The following TMTC2 variants were observed in gnomAD, a reference collection of about 807,000 sequenced individuals.
The protein encoded by TMTC2 is transmembrane O-mannosyltransferase targeting cadherins 2, also known as protein O-mannosyl-transferase TMTC2.
In TMTC2, 43 loss-of-function variants were observed where a neutral mutation model predicts 82.4. That is an observed-to-expected ratio of 0.52 (90% CI 0.41 to 0.67). TMTC2 has a LOEUF of 0.67. Among genes scored for constraint, TMTC2 ranks in the 30% least tolerant of loss-of-function variants. The pLI is 0.00. For synonymous variants in TMTC2, 408 were observed against 381.9 expected, an observed-to-expected ratio of 1.07 and a Z score of -0.80; for missense variants, 919 against 1,012.4, an observed-to-expected ratio of 0.91 and a Z score of 1.25.
chr12:83,082,163 A>G (rs1402809398), intron 11 of TMTC2, among the ~76,000 whole-genome samples: 1 of 152,236 alleles, frequency 6.6e-6, no homozygotes, highest in Non-Finnish European at 1.5e-5. Flanking sequence ...ATGTAGTAGA[A>G]ACTATAGCTT....
chr12:82,771,147 C>T (rs570677021), intron 1 of TMTC2, among the ~76,000 whole-genome samples: 1 of 148,468 alleles, frequency 6.7e-6, no homozygotes, highest in African/African-American at 2.5e-5. Context: ...GCAGAGATTG[C>T]AGTGAGCCGA....
intron 1 of TMTC2, among the ~76,000 whole-genome samples, chr12:82,785,588 C>A (rs1366009050): frequency 6.6e-6 from 1 of 151,980 alleles, no homozygotes; most frequent in East Asian, 1.9e-4. Flanking sequence ...TGTTGGACTG[C>A]ATAATTTAAG....
At chr12:83,063,658 T>C (rs1341295160) in intron 11 of TMTC2, among the ~76,000 whole-genome samples, 1 of 151,884 alleles carries the variant, frequency 6.6e-6, no homozygotes, top group African/African-American at 2.4e-5. Context: ...GTGGAAAATA[T>C]CTTAGAGAGG....
At chr12:82,748,603 C>T (rs987876718) in intron 1 of TMTC2, among the ~76,000 whole-genome samples, 2 of 152,086 alleles carry the variant, frequency 1.3e-5, no homozygotes, top group African/African-American at 2.4e-5. Flanking sequence ...GGGCCAGACT[C>T]GGTGGCTCAC....
At chr12:82,910,144 C>G in intron 3 of TMTC2, among the ~76,000 whole-genome samples, 1 of 152,048 alleles carries the variant, frequency 6.6e-6, no homozygotes, top group East Asian at 1.9e-4. Context: ...GAAGAGAATT[C>G]CAGATAAGTC....
chr12:82,831,464 A>G (rs1386815493), intron 1 of TMTC2, among the ~76,000 whole-genome samples: 3 of 152,204 alleles, frequency 2.0e-5, no homozygotes, highest in Non-Finnish European at 4.4e-5. Flanking sequence ...GCCAACTCTA[A>G]TTATAACATA....
chr12:82,774,246 T>C (rs1409752684), intron 1 of TMTC2, among the ~76,000 whole-genome samples: 4 of 152,150 alleles, frequency 2.6e-5, no homozygotes, highest in Non-Finnish European at 5.9e-5. Flanking sequence ...TGTATGTGTG[T>C]GTATATGTGT....
chr12:83,107,798 CTATT>C (rs1178057788), intron 11 of TMTC2, among the ~76,000 whole-genome samples: 1 of 152,040 alleles, frequency 6.6e-6, no homozygotes, highest in Admixed American at 6.5e-5. Context: ...GAGATTATCA[CTATT>C]TAAATCACCA....
At chr12:82,891,664 G>T (rs1332641550) in intron 2 of TMTC2, among the ~76,000 whole-genome samples, 2 of 152,044 alleles carry the variant, frequency 1.3e-5, no homozygotes, top group African/African-American at 2.4e-5. Context: ...CTTGAAAATT[G>T]CAGTTTCATA....
chr12:83,126,869 T>C (rs1276920160), intron 11 of TMTC2, among the ~76,000 whole-genome samples: 1 of 152,116 alleles, frequency 6.6e-6, no homozygotes, highest in Non-Finnish European at 1.5e-5. Flanking sequence ...ATATCTGCCA[T>C]GTATAAGGCA....
intron 8 of TMTC2, among the ~76,000 whole-genome samples, chr12:83,009,316 G>A (rs746685407): frequency 6.6e-6 from 1 of 152,084 alleles, no homozygotes; most frequent in Non-Finnish European, 1.5e-5. Flanking sequence ...CCTGAAAGGT[G>A]ATGGTTGAGT....
intron 6 of TMTC2, 69 bp downstream of exon 6, chr12:82,965,813 T>A: frequency 1.3e-6 from 2 of 1,568,838 alleles, no homozygotes. Flanking sequence ...GTTTGTAACC[T>A]ACAGCCTCCT....
chr12:83,113,934 C>A (rs533053730), intron 11 of TMTC2, among the ~76,000 whole-genome samples: 2 of 152,302 alleles, frequency 1.3e-5, no homozygotes, highest in East Asian at 3.9e-4. Flanking sequence ...GGTGAATTCA[C>A]TCAGTGAAAC....
chr12:83,035,091 C>A (rs534481937), intron 9 of TMTC2, among the ~76,000 whole-genome samples: 1 of 152,114 alleles, frequency 6.6e-6, no homozygotes, highest in Non-Finnish European at 1.5e-5. Context: ...GAAATCCACT[C>A]TCTTGTGTGA....
chr12:82,744,581 TA>T (rs369793885), intron 1 of TMTC2, among the ~76,000 whole-genome samples: 19 of 115,494 alleles, frequency 1.6e-4, no homozygotes, highest in African/African-American at 5.8e-4. Flanking sequence ...ACTCTGACTC[TA>T]AAAAAAAAAA....
At chr12:83,059,511 TAGAG>T (rs1882663690) in intron 10 of TMTC2, among the ~76,000 whole-genome samples, 1 of 151,768 alleles carries the variant, frequency 6.6e-6, no homozygotes, top group African/African-American at 2.4e-5. Context: ...AGCAAGGTCC[TAGAG>T]GGAAAATTAA....
chr12:82,948,607 C>G (rs1877164538), intron 4 of TMTC2, among the ~76,000 whole-genome samples: 1 of 152,128 alleles, frequency 6.6e-6, no homozygotes, highest in African/African-American at 2.4e-5. Flanking sequence ...ACCTTTTCCC[C>G]TTTCATAATT....
At chr12:82,822,085 A>G (rs1869150822) in intron 1 of TMTC2, among the ~76,000 whole-genome samples, 1 of 152,190 alleles carries the variant, frequency 6.6e-6, no homozygotes. Context: ...TACATATTGT[A>G]TAATTCTAAC....
chr12:83,040,841 C>T (rs770666966), intron 9 of TMTC2, among the ~76,000 whole-genome samples: 1 of 151,982 alleles, frequency 6.6e-6, no homozygotes, highest in Non-Finnish European at 1.5e-5. Context: ...CCCGCCACCA[C>T]GCCCGGCTAA....
Sources: gnomAD v4.1 joint callset for allele counts (sites outside exome capture counted in the v4.1 genomes callset) on GRCh38, gnomAD v4.1.1 for gene constraint, MANE v1.5 for transcripts, NCBI Gene and HGNC (gene_info 2026-07-23, HGNC 2026-07-21) for gene names.